CHIC2: variants seen among roughly 807,000 people sequenced by gnomAD.
CHIC2 encodes the protein cysteine-rich hydrophobic domain-containing protein 2.
In CHIC2, 14 loss-of-function variants were observed where a neutral mutation model predicts 25.9. The ratio of observed to expected loss-of-function variants is 0.54; its 90% CI spans 0.36 to 0.85. CHIC2 has a LOEUF of 0.85. Among genes scored for constraint, CHIC2 ranks in the 40% least tolerant of loss-of-function variants. The probability of loss-of-function intolerance (pLI) is 0.01; values close to 1 mark genes in which losing one functional copy is unlikely to be tolerated. For synonymous variants in CHIC2, 70 were observed against 72.0 expected (o/e 0.97, Z 0.14); for missense variants, 146 against 202.0 (o/e 0.72, Z 1.68).
chr4:54,019,671 C>T (rs1419255535), intron 3 of CHIC2, among the ~76,000 whole-genome samples: 1 of 152,118 alleles, frequency 6.6e-6, no homozygotes, highest in African/African-American at 2.4e-5. Context: ...ACTCTGAGTA[C>T]CATTTCAGAA....
chr4:54,086,566 A>G, the CHIC2 span, among the ~76,000 whole-genome samples: 1 of 152,222 alleles, frequency 6.6e-6, no homozygotes, highest in Non-Finnish European at 1.5e-5. Context: ...AGAAGATATT[A>G]TGTAGCATAT....
chr4:54,014,153 A>T, intron 3 of CHIC2, 34 bp from the exon 4 acceptor site: 1 of 1,604,796 alleles, frequency 6.2e-7, no homozygotes, highest in Admixed American at 1.7e-5. Flanking sequence ...TTTACTCTTG[A>T]CTGGTTTTAG....
upstream of CHIC2, chr4:54,064,664 C>T: frequency 9.6e-7 from 1 of 1,041,300 alleles, no homozygotes; most frequent in Non-Finnish European, 1.2e-6. The surrounding 1 kb of genome is among the most constrained non-coding windows in gnomAD (Gnocchi z 4.2). Context: ...CGCGAGACTT[C>T]CCGGGCCAAC....
At chr4:54,020,712 C>A (rs1266539736) in intron 3 of CHIC2, among the ~76,000 whole-genome samples, 3 of 152,220 alleles carry the variant, frequency 2.0e-5, no homozygotes, top group Non-Finnish European at 4.4e-5. Flanking sequence ...TCTCCCTGCC[C>A]TTCCAATTCC....
At chr4:54,026,597 T>C (rs1240211612) in intron 3 of CHIC2, among the ~76,000 whole-genome samples, 1 of 152,214 alleles carries the variant, frequency 6.6e-6, no homozygotes, top group African/African-American at 2.4e-5. Flanking sequence ...TATTCTGAGA[T>C]GAATAAAGGA....
intron 1 of CHIC2, among the ~76,000 whole-genome samples, chr4:54,052,824 C>T (rs978659855): frequency 6.6e-6 from 1 of 152,004 alleles, no homozygotes; most frequent in Admixed American, 6.5e-5. Context: ...ATATTTATAC[C>T]TTTGTCATAC....
chr4:54,014,747 C>A (rs1338132636), intron 3 of CHIC2, among the ~76,000 whole-genome samples: 7 of 152,098 alleles, frequency 4.6e-5, no homozygotes, highest in Admixed American at 4.6e-4. Context: ...CAGGAATCAA[C>A]TGAGAATTTA....
the CHIC2 span, among the ~76,000 whole-genome samples, chr4:54,070,175 A>T: frequency 6.6e-6 from 1 of 152,174 alleles, no homozygotes; most frequent in African/African-American, 2.4e-5. Context: ...AAAGACCTTG[A>T]AGTAGAAAAG....
intron 3 of CHIC2, among the ~76,000 whole-genome samples, chr4:54,040,973 A>ATT (rs112593395): frequency 1.4e-5 from 2 of 139,410 alleles, no homozygotes; most frequent in Non-Finnish European, 1.6e-5. Context: ...TTGGGGATAG[A>ATT]TTTTTTTTTT....
At chr4:54,025,998 T>A (rs1373870068) in intron 3 of CHIC2, among the ~76,000 whole-genome samples, 1 of 152,166 alleles carries the variant, frequency 6.6e-6, no homozygotes, top group African/African-American at 2.4e-5. Context: ...TTGGGTCTGA[T>A]CCCATGTTGT....
chr4:54,038,967 C>T (rs1167922393), intron 3 of CHIC2, among the ~76,000 whole-genome samples: 2 of 152,052 alleles, frequency 1.3e-5, no homozygotes, highest in Non-Finnish European at 2.9e-5. Context: ...GAGACCTACA[C>T]AGGTATTGTT....
chr4:54,079,532 G>A, the CHIC2 span, among the ~76,000 whole-genome samples: 1 of 152,044 alleles, frequency 6.6e-6, no homozygotes, highest in East Asian at 1.9e-4. Context: ...GAAGGGGTTA[G>A]TATTTAATAT....
upstream of CHIC2, among the ~76,000 whole-genome samples, chr4:54,065,853 T>C (rs1717506901): frequency 6.6e-6 from 1 of 152,194 alleles, no homozygotes; most frequent in African/African-American, 2.4e-5. Context: ...AACCTCCTTT[T>C]GGAAACAACT....
At chr4:54,055,379 A>C (rs1170106640) in intron 1 of CHIC2, among the ~76,000 whole-genome samples, 1 of 151,874 alleles carries the variant, frequency 6.6e-6, no homozygotes, top group Non-Finnish European at 1.5e-5. Context: ...AGATGTCAAG[A>C]CAGAATGGAT....
intron 3 of CHIC2, among the ~76,000 whole-genome samples, chr4:54,017,699 A>C (rs1246657968): frequency 6.6e-6 from 1 of 152,216 alleles, no homozygotes; most frequent in Non-Finnish European, 1.5e-5. Context: ...ATATGCAGGA[A>C]AAACAACTTT....
the CHIC2 span, among the ~76,000 whole-genome samples, chr4:54,090,172 T>C: frequency 6.6e-6 from 1 of 151,774 alleles, no homozygotes; most frequent in Non-Finnish European, 1.5e-5. Context: ...TTATACACAA[T>C]TTAATTATTT....
chr4:54,060,895 G>A (rs754244004), intron 1 of CHIC2: 2 of 152,072 alleles, frequency 1.3e-5, no homozygotes, highest in Non-Finnish European at 2.9e-5. Context: ...TAGGTTACAT[G>A]TACCTAAATA....
chr4:54,054,092 A>C (rs764949222), intron 1 of CHIC2, among the ~76,000 whole-genome samples: 33 of 152,198 alleles, frequency 2.2e-4, no homozygotes, highest in Non-Finnish European at 3.8e-4. Context: ...CCGGCAGACA[A>C]ATATTTTATA....
chr4:54,051,214 T>G (rs1716999117), intron 1 of CHIC2, among the ~76,000 whole-genome samples: 1 of 152,044 alleles, frequency 6.6e-6, no homozygotes, highest in African/African-American at 2.4e-5. Context: ...CCTTCCTTAT[T>G]TGCCAGAACT....
Sources: gnomAD v4.1 joint callset for allele counts (sites outside exome capture counted in the v4.1 genomes callset) on GRCh38, gnomAD v4.1.1 for gene constraint, Gnocchi (gnomAD v3.1) non-coding constraint, MANE v1.5 for transcripts, NCBI Gene and HGNC (gene_info 2026-07-23, HGNC 2026-07-21) for gene names.